Variants in ZFHX3 observed in about 807,000 individuals in gnomAD.
ZFHX3 encodes the protein zinc finger homeobox protein 3.
Under a neutral mutation model 279.1 loss-of-function variants are expected in ZFHX3, and 42 were observed. That is an observed-to-expected ratio of 0.15 (90% confidence interval 0.12 to 0.19). The LOEUF is 0.19. Among genes scored for constraint, ZFHX3 ranks in the 10% least tolerant of loss-of-function variants. The pLI, the probability that ZFHX3 is intolerant of heterozygous loss-of-function variation, is 1.00. For missense variants in ZFHX3, 4,981 were observed against 4,754.0 expected, an observed-to-expected ratio of 1.05 and a Z score of -1.40; for synonymous variants, 2,293 against 1,957.8, an observed-to-expected ratio of 1.17 and a Z score of -4.52.
chr16:73,103,293 A>T (rs1481763402), intron 7 of ZFHX3, among the ~76,000 whole-genome samples: 3 of 151,998 alleles, frequency 2.0e-5, no homozygotes, highest in Non-Finnish European at 4.4e-5. Context: ...CTGGGCCGTG[A>T]GTATCTCAGG....
Position 72,795,560 on chromosome 16 carries a change from G to T in ZFHX3, c.7122C>A (p.Ile2374=). The change falls in exon 9 of 10, where the codon ATC becomes ATA. Residue 2374 remains isoleucine, a synonymous_variant. Transcript: ENST00000268489. ...QNEDSMDAME[I]LTPTSSSCST... ...TGCAGGATGAGCTGGTAGGCGTCAG[G>T]ATTTCCATGGCATCCATGGAATCCT... The T allele has an allele frequency of 6.2e-7, 1 of 1,614,074 alleles. No individual in the cohort carries two copies. Among genetic ancestry groups the T allele is most frequent in the Non-Finnish European group, 8.5e-7 (1 of 1,180,020 alleles).
intron 8 of ZFHX3, among the ~76,000 whole-genome samples, chr16:73,088,903 C>T (rs1315244268): frequency 6.6e-6 from 1 of 152,024 alleles, no homozygotes; most frequent in Non-Finnish European, 1.5e-5. Flanking sequence ...TGTTTAGTAT[C>T]CATGGTGGGG....
At chr16:73,061,267 A>G (rs1372281451), upstream of ZFHX3, 1 of 152,086 alleles carries the variant, frequency 6.6e-6, no homozygotes, top group Non-Finnish European at 1.5e-5. Flanking sequence ...TCCCCTGCAC[A>G]ATGTGTCTTT....
At chr16:73,869,890 C>T (rs1449458932) in intron 1 of ZFHX3, among the ~76,000 whole-genome samples, 1 of 152,210 alleles carries the variant, frequency 6.6e-6, no homozygotes, top group East Asian at 1.9e-4. Context: ...TATGTGGAAT[C>T]TTGGGGCCCC....
At chr16:73,313,024 G>A (rs2015361198) in intron 4 of ZFHX3, among the ~76,000 whole-genome samples, 3 of 152,302 alleles carry the variant, frequency 2.0e-5, no homozygotes, top group African/African-American at 4.8e-5. Context: ...ATCCCCATGT[G>A]TCAGGGGACG....
chr16:73,860,730 A>G (rs571053159), intron 1 of ZFHX3, among the ~76,000 whole-genome samples: 4 of 152,270 alleles, frequency 2.6e-5, no homozygotes, highest in South Asian at 4.1e-4. Flanking sequence ...AGCACTTGAT[A>G]AAAGTTCAGG....
intron 2 of ZFHX3, among the ~76,000 whole-genome samples, chr16:73,556,969 C>T (rs2020294132): frequency 6.6e-6 from 1 of 151,752 alleles, no homozygotes; most frequent in Non-Finnish European, 1.5e-5. Flanking sequence ...GTGGTGGGCG[C>T]CTGTAGTCCC....
chr16:73,765,816 G>A (rs191378925), intron 1 of ZFHX3, among the ~76,000 whole-genome samples: 282 of 152,282 alleles, frequency 1.9e-3, no homozygotes, highest in African/African-American at 5.9e-3. Context: ...CTATTTTTCC[G>A]GATGGAGATG....
At chr16:73,472,392 A>G (rs188085990) in intron 2 of ZFHX3, among the ~76,000 whole-genome samples, 4 of 152,264 alleles carry the variant, frequency 2.6e-5, no homozygotes, top group Admixed American at 2.6e-4. Context: ...GAAACTCAGT[A>G]CTGGCAGGCT....
At chr16:73,876,052 C>CT (rs2029936096) in intron 1 of ZFHX3, among the ~76,000 whole-genome samples, 2 of 152,120 alleles carry the variant, frequency 1.3e-5, no homozygotes, top group Admixed American at 1.3e-4. Flanking sequence ...AACACGACCC[C>CT]AAACCGTCCA....
chr16:73,315,045 T>C (rs1159839078), intron 4 of ZFHX3, among the ~76,000 whole-genome samples: 1 of 151,992 alleles, frequency 6.6e-6, no homozygotes, highest in South Asian at 2.1e-4. Flanking sequence ...CTGGCCAACG[T>C]AGTGAAACCC....
intron 3 of ZFHX3, among the ~76,000 whole-genome samples, chr16:73,403,559 A>T (rs200256005): frequency 7.0e-6 from 1 of 142,896 alleles, no homozygotes; most frequent in East Asian, 2.1e-4. Flanking sequence ...ATTTTTTTTT[A>T]AAGGCAAAAA....
At chr16:73,019,416 C>T (rs1040990902) in intron 1 of ZFHX3, among the ~76,000 whole-genome samples, 1 of 152,060 alleles carries the variant, frequency 6.6e-6, no homozygotes, top group Admixed American at 6.6e-5. Context: ...ACATGGGCTG[C>T]CTGGTTTACA....
rs568791862 is a variant in ZFHX3, at chr16:73,868,424, C to T, written c.-1608+23227G>A. ...CTGTAATCCCAGCTACTCGGGAGGC[C>T]GAGACAGGTGAATTGCTTGAACCTG... On this transcript the variant is annotated intron_variant, in intron 1 of 17. Coordinates refer to the ZFHX3 transcript ENST00000641206. Among the ~76,000 whole-genome samples, 11 of 152,210 alleles carry T rather than the reference C, an allele frequency of 7.2e-5. 1 individual carries two copies. In the East Asian group the frequency reaches 1.6e-3, roughly 21 times the overall value.
intron 3 of ZFHX3, among the ~76,000 whole-genome samples, chr16:73,412,745 G>A (rs13332651): frequency 0.54 from 82,712 of 152,120 alleles, 24,306 homozygotes; most frequent in African/African-American, 0.77. Flanking sequence ...TTCTGGGGGA[G>A]TATTTCACCC....
chr16:73,704,482 C>T (rs1007381841), intron 1 of ZFHX3, among the ~76,000 whole-genome samples: 5 of 152,188 alleles, frequency 3.3e-5, no homozygotes, highest in East Asian at 1.9e-4. Flanking sequence ...AGAAGCTACT[C>T]GCTGGCTAAT....
intron 2 of ZFHX3, among the ~76,000 whole-genome samples, chr16:73,511,603 T>C (rs548536936): frequency 6.6e-6 from 1 of 152,306 alleles, no homozygotes; most frequent in Admixed American, 6.5e-5. Flanking sequence ...TAAACTCAGA[T>C]TGGATAACTA....
chr16:73,057,417 A>G (rs1004227273), intron 1 of ZFHX3, among the ~76,000 whole-genome samples: 2 of 152,186 alleles, frequency 1.3e-5, no homozygotes, highest in Admixed American at 1.3e-4. Context: ...AGATATGCAA[A>G]AAGACGGACA....
At position 72,788,467 on chromosome 16, in the gene ZFHX3, G is replaced by T; in HGVS notation, c.9809C>A (p.Ala3270Asp). Residue 3270 changes from alanine to aspartate, a missense_variant, in exon 10 of 10, where the codon GCC (alanine) becomes GAC (aspartate). Coordinates refer to ENST00000268489, the MANE Select transcript of ZFHX3 (RefSeq NM_006885.4). ...EKGEAPTATA[A>D]TISAPLPTME... Reference sequence around the variant, plus strand: ...GGTGGGCAGCGGGGCTGAGATCGTGGCTGCAGTTGCCGTGGGGGCCTCTCC... The same window carrying T: ...GGTGGGCAGCGGGGCTGAGATCGTGTCTGCAGTTGCCGTGGGGGCCTCTCC... 1.2e-6 allele frequency: 2 copies of T among 1,614,238 alleles called. No individual in the cohort carries two copies. The highest frequency in any genetic ancestry group is 1.7e-6 in the Non-Finnish European group (2 of 1,180,040).
Sources: allele counts gnomAD v4.1 joint callset (sites outside exome capture counted in the v4.1 genomes callset), GRCh38; gene constraint gnomAD v4.1.1; transcripts MANE v1.5; gene names NCBI Gene and HGNC (gene_info 2026-07-23, HGNC 2026-07-21).